Variants in SORCS3 observed in about 807,000 individuals in gnomAD.
SORCS3 encodes the protein sortilin related VPS10 domain containing receptor 3.
Under a neutral mutation model 146.3 loss-of-function variants are expected in SORCS3, and 57 were observed. The observed-to-expected ratio is 0.39, with a 90% CI of 0.31 to 0.49. The LOEUF (loss-of-function observed/expected upper bound fraction) is 0.49, where lower values mean the gene tolerates loss of function less well. Among genes scored for constraint, SORCS3 ranks in the 20% least tolerant of loss-of-function variants. SORCS3 has a pLI of 0.92. For synonymous variants in SORCS3, 653 were observed against 618.5 expected (o/e 1.06, Z -0.83); for missense variants, 1,341 against 1,575.5 (o/e 0.85, Z 2.52).
In SORCS3 at chr10:105,139,471, G is replaced by A. The variant is rs1028373507; in HGVS notation, c.1287G>A (p.Lys429=). 6.8e-6 allele frequency: 11 copies of A among 1,613,314 alleles called. No homozygotes were observed. The African/African-American group carries it at 1.5e-4, about 22-fold the overall frequency. The part of the protein sequence containing the change: ...REAFAQIKLP[K]YSLPKDMHII... The stretch of plus-strand genomic sequence containing the variant: ...CCTTTGCTCAGATAAAGCTGCCTAA[G>A]TACTCGTTGCCAAAGGTACTGCATG... Residue 429 remains lysine (K), a synonymous_variant, in exon 8 of 27, where the codon AAG becomes AAA. Transcript: ENST00000369701.
At chr10:104,711,254 T>C (rs1345706037) in intron 1 of SORCS3, among the ~76,000 whole-genome samples, 3 of 152,150 alleles carry the variant, frequency 2.0e-5, no homozygotes, top group Non-Finnish European at 2.9e-5. Context: ...CACAGAGAGG[T>C]TGATAATTGC....
chr10:105,076,058 G>C (rs1448928751), intron 5 of SORCS3, among the ~76,000 whole-genome samples: 1 of 152,168 alleles, frequency 6.6e-6, no homozygotes, highest in Non-Finnish European at 1.5e-5. Flanking sequence ...TCCATAAAGT[G>C]CTTGGAACCT....
At chr10:105,248,153 T>G (rs376708560) in intron 22 of SORCS3, among the ~76,000 whole-genome samples, 4 of 152,160 alleles carry the variant, frequency 2.6e-5, no homozygotes, top group Admixed American at 2.0e-4. Context: ...TTCTCAGAGG[T>G]AGGCACTAGA....
At chr10:105,213,465 A>G (rs960102104) in intron 17 of SORCS3, among the ~76,000 whole-genome samples, 1 of 152,208 alleles carries the variant, frequency 6.6e-6, no homozygotes, top group Non-Finnish European at 1.5e-5. Context: ...GGTGATGATG[A>G]TGGTGATAAT....
At chr10:105,049,549 A>T (rs2055396959) in intron 5 of SORCS3, among the ~76,000 whole-genome samples, 1 of 152,160 alleles carries the variant, frequency 6.6e-6, no homozygotes, top group Non-Finnish European at 1.5e-5. Context: ...AGAATTGGTA[A>T]TAGTTAGGGT....
chr10:104,762,453 G>A (rs2017132229), intron 1 of SORCS3, among the ~76,000 whole-genome samples: 2 of 152,174 alleles, frequency 1.3e-5, no homozygotes, highest in African/African-American at 2.4e-5. Context: ...TGCGTGGAGG[G>A]CCCTGGAACT....
At chr10:104,729,069 T>C (rs901791040) in intron 1 of SORCS3, among the ~76,000 whole-genome samples, 5 of 152,244 alleles carry the variant, frequency 3.3e-5, no homozygotes, top group Admixed American at 6.5e-5. Context: ...AAAATAGTTT[T>C]ATGAACTCAG....
At chr10:105,167,057 G>T (rs562455306) in intron 12 of SORCS3, among the ~76,000 whole-genome samples, 1 of 152,238 alleles carries the variant, frequency 6.6e-6, no homozygotes, top group African/African-American at 2.4e-5. Context: ...AATTTGAGTG[G>T]CCTAGGGACA....
At chr10:105,061,362 T>C (rs1216119921) in intron 5 of SORCS3, among the ~76,000 whole-genome samples, 2 of 150,920 alleles carry the variant, frequency 1.3e-5, no homozygotes, top group African/African-American at 4.9e-5. Flanking sequence ...TGGTGCAATC[T>C]TGGCTCACTA....
At position 104,915,878 on chromosome 10, in the gene SORCS3, G is replaced by A; in HGVS notation, c.741G>A (p.Val247=). 6.2e-7 allele frequency: 1 copy of A among 1,614,052 alleles called. No individual in the cohort carries two copies. Among genetic ancestry groups the A allele is most frequent in the Non-Finnish European group, 8.5e-7 (1 of 1,179,998 alleles). The change falls in exon 3 of 27, where the codon GTG becomes GTA. Residue 247 remains valine (V), a synonymous_variant. Coordinates refer to ENST00000369701, the MANE Select transcript of SORCS3 (RefSeq NM_014978.3). ...GTTYEKLNDK[V]GLKTVLSYLY... is the part of the protein sequence containing the mutation. ...CCTATGAAAAGCTGAATGACAAAGT[G>A]GGTTTGAAGACTGTCCTCAGTTACC...
At chr10:104,933,061 C>T (rs1469942298) in intron 3 of SORCS3, among the ~76,000 whole-genome samples, 2 of 152,152 alleles carry the variant, frequency 1.3e-5, no homozygotes, top group East Asian at 3.9e-4. Flanking sequence ...TTCCATACCT[C>T]AGGCTACTTT....
intron 3 of SORCS3, among the ~76,000 whole-genome samples, chr10:104,923,758 C>T (rs532493150): frequency 6.6e-6 from 1 of 152,332 alleles, no homozygotes; most frequent in African/African-American, 2.4e-5. Context: ...CTCTGTGAGC[C>T]TTTCTTTTTC....
intron 5 of SORCS3, among the ~76,000 whole-genome samples, chr10:105,061,187 G>A (rs927571602): frequency 1.3e-4 from 19 of 151,986 alleles, no homozygotes; most frequent in African/African-American, 4.3e-4. Flanking sequence ...CTGGACTTAG[G>A]TATCATTTCT....
intron 3 of SORCS3, among the ~76,000 whole-genome samples, chr10:104,955,611 C>T (rs2019481147): frequency 6.6e-6 from 1 of 152,212 alleles, no homozygotes; most frequent in Non-Finnish European, 1.5e-5. Flanking sequence ...AGATACCTCA[C>T]CCTCAATGAG....
At chr10:104,743,531 G>A (rs1256692280) in intron 1 of SORCS3, among the ~76,000 whole-genome samples, 1 of 152,172 alleles carries the variant, frequency 6.6e-6, no homozygotes, top group Non-Finnish European at 1.5e-5. Flanking sequence ...GGCAGTGGGG[G>A]AGATGTGCCT....
At chr10:104,905,102 G>C (rs527914898) in intron 2 of SORCS3, among the ~76,000 whole-genome samples, 1 of 152,192 alleles carries the variant, frequency 6.6e-6, no homozygotes, top group African/African-American at 2.4e-5. Flanking sequence ...CCTACTACTC[G>C]GGTCTGTTGT....
chr10:104,860,349 C>A (rs1375691317), intron 2 of SORCS3, among the ~76,000 whole-genome samples: 1 of 129,394 alleles, frequency 7.7e-6, no homozygotes, highest in Non-Finnish European at 1.6e-5. Context: ...TTTGCTCACT[C>A]ATAGGTGGGA....
Position 104,641,958 on chromosome 10 carries a change from A to G in SORCS3, c.627+4A>G, listed in dbSNP as rs761451626. The G allele has an allele frequency of 7.7e-7, 1 of 1,305,068 alleles. No individual in the cohort carries two copies. Among genetic ancestry groups the G allele is most frequent in the South Asian group, 1.2e-5 (1 of 85,944 alleles). 80.8% of individuals were successfully genotyped at this position (1,305,068 alleles called of 1,614,324 possible). ...CTGGTCGGGACACAACAGCAGCGTGAGTACCCACCCGGCGGCGGGTCCGCC... is the reference window on the plus strand; with the variant it reads ...CTGGTCGGGACACAACAGCAGCGTGGGTACCCACCCGGCGGCGGGTCCGCC... On this transcript the variant is annotated splice_donor_region_variant and intron_variant, in intron 1 of 26. Transcript: ENST00000369701. The surrounding 1 kb of genome is among the most constrained non-coding windows in gnomAD (Gnocchi z 6.4).
At chr10:104,779,588 G>GT (rs1474735304) in intron 1 of SORCS3, among the ~76,000 whole-genome samples, 1 of 152,216 alleles carries the variant, frequency 6.6e-6, no homozygotes, top group Non-Finnish European at 1.5e-5. Flanking sequence ...GAAGTATGCA[G>GT]TTCATGCCTT....
Sources: allele counts gnomAD v4.1 joint callset (sites outside exome capture counted in the v4.1 genomes callset), GRCh38; gene constraint gnomAD v4.1.1; non-coding constraint Gnocchi (gnomAD v3.1); transcripts MANE v1.5; gene names NCBI Gene and HGNC (gene_info 2026-07-23, HGNC 2026-07-21).